Variants in NOX5 observed in about 807,000 individuals in gnomAD.
NOX5 encodes the protein NADPH oxidase, EF-hand calcium binding domain 5.
NOX5 carries 76 observed loss-of-function variants against 85.7 expected under a neutral mutation model. That is an observed-to-expected ratio of 0.89 (90% confidence interval 0.74 to 1.07). NOX5 has a LOEUF of 1.07. Among genes scored for constraint, NOX5 ranks in the 50% least tolerant of loss-of-function variants. The pLI, the probability that NOX5 is intolerant of heterozygous loss-of-function variation, is 0.00. For synonymous variants in NOX5, 405 were observed against 401.4 expected, an observed-to-expected ratio of 1.01 and a Z score of -0.11; for missense variants, 973 against 999.5, an observed-to-expected ratio of 0.97 and a Z score of 0.36.
intron 1 of NOX5, among the ~76,000 whole-genome samples, 164 bp from the exon 2 acceptor site, chr15:69,026,364 C>T (rs1054119780): frequency 3.9e-5 from 6 of 152,162 alleles, no homozygotes; most frequent in South Asian, 2.1e-4. Context: ...GGAGGAGAAA[C>T]GGCTGTGGGA....
In NOX5 at chr15:69,031,446, A is replaced by G; in HGVS notation, c.326-72A>G. 7 of 1,513,848 alleles carry G rather than the reference A, an allele frequency of 4.6e-6. No individual in the cohort carries two copies. The South Asian group carries it at 4.9e-5, about 11-fold the overall frequency. 93.8% of individuals were successfully genotyped at this position (1,513,848 alleles called of 1,614,324 possible). A position where few individuals can be genotyped will look rare whatever the true frequency, so the allele number is the denominator to read the frequency against. ...ATTTGGTCCTTCAGTTGCATGGTCTATACCCCCAAGGAAAGCTGACTGGCA... is the reference window on the plus strand; with the variant it reads ...ATTTGGTCCTTCAGTTGCATGGTCTGTACCCCCAAGGAAAGCTGACTGGCA... On this transcript the variant is annotated intron_variant, in intron 3 of 15. Transcript: ENST00000388866.
chr15:69,054,289 A>T (rs2050783666), intron 14 of NOX5, among the ~76,000 whole-genome samples: 1 of 152,234 alleles, frequency 6.6e-6, no homozygotes, highest in Non-Finnish European at 1.5e-5. Context: ...GTGCTGAAAC[A>T]TCAGTATCCC....
At chr15:69,045,323 A>G (rs556693521) in intron 10 of NOX5, among the ~76,000 whole-genome samples, 5 of 152,362 alleles carry the variant, frequency 3.3e-5, no homozygotes, top group African/African-American at 1.2e-4. Context: ...TAAGATTATT[A>G]TCTCTAATGG....
At chr15:69,055,611 C>A in intron 15 of NOX5, 111 bp downstream of exon 15, 2 of 1,234,648 alleles carry the variant, frequency 1.6e-6, no homozygotes, top group Non-Finnish European at 2.3e-6. Context: ...GAGGTTAAGT[C>A]CAGAGTCCAG....
chr15:69,047,675 C>T (rs907302740), intron 12 of NOX5, 138 bp downstream of exon 12: 2 of 1,328,006 alleles, frequency 1.5e-6, no homozygotes, highest in Non-Finnish European at 2.1e-6. Flanking sequence ...TCCTCTCCTG[C>T]TCTGCCCCCC....
intron 10 of NOX5, chr15:69,045,852 ACT>A (rs2050666971): frequency 6.6e-6 from 1 of 152,166 alleles, no homozygotes; most frequent in Non-Finnish European, 1.5e-5. Context: ...TCACAGCATA[ACT>A]CTCAAACCAC....
At position 69,019,276 on chromosome 15, in the gene NOX5, T is replaced by C. The variant is rs945969171; in HGVS notation, c.50+4491T>C. On this transcript the variant is annotated intron_variant, in intron 1 of 15. Coordinates refer to ENST00000388866, the MANE Select transcript of NOX5 (RefSeq NM_024505.4). ...GTCAGGACTTTGCCCACTGCCCACC[T>C]GCCATGGAAGGGGGCAGGGAGGGAT... Among the ~76,000 whole-genome samples, 8 of 152,338 alleles carry C rather than the reference T, an allele frequency of 5.3e-5. No homozygotes were observed. The South Asian group carries it at 1.7e-3, about 32-fold the overall frequency.
rs779336898 is a variant in NOX5 at position 69,056,643 on chromosome 15, C to T, written c.2245C>T (p.Leu749=). The T allele has an allele frequency of 3.1e-6, 5 of 1,613,844 alleles. No homozygotes were observed. The South Asian group carries it at 5.5e-5, about 18-fold the overall frequency. The change falls in exon 16 of 16, where the codon CTG becomes TTG. Residue 749 remains leucine, a synonymous_variant. Transcript: ENST00000388866. ...TGGCTCCCCAGCTCTGGCCAAGGTG[C>T]TGAAGGGCCATTGTGAGAAGTTCGG... ...FCGSPALAKV[L]KGHCEKFGFR...
intron 1 of NOX5, among the ~76,000 whole-genome samples, chr15:69,018,679 T>G (rs955102393): frequency 3.9e-5 from 6 of 152,268 alleles, no homozygotes. Flanking sequence ...GGTTGTGCCG[T>G]GTAAAATGTT....
Position 69,047,472 on chromosome 15 carries a change from C to A in NOX5, c.1752C>A (p.Ala584=). 6.2e-7 allele frequency: 1 copy of A among 1,614,010 alleles called. No individual in the cohort carries two copies. Among genetic ancestry groups the A allele is most frequent in the Non-Finnish European group, 8.5e-7 (1 of 1,179,994 alleles). Reference sequence around the variant, plus strand: ...GCAGGATCTTTGCCTCTGAGCATGCCGTGCTCATCGGGGCAGGCATCGGCA... The same window carrying A: ...GCAGGATCTTTGCCTCTGAGCATGCAGTGCTCATCGGGGCAGGCATCGGCA... ...PTRRIFASEH[A]VLIGAGIGIT... is the part of the protein sequence containing the mutation. Residue 584 remains alanine, a synonymous_variant, in exon 12 of 16, where the codon GCC becomes GCA. Transcript: ENST00000388866.
At chr15:69,044,910 T>C (rs1425949391) in intron 10 of NOX5, among the ~76,000 whole-genome samples, 1 of 151,906 alleles carries the variant, frequency 6.6e-6, no homozygotes, top group African/African-American at 2.4e-5. Flanking sequence ...GCACAGGGAG[T>C]TGTGGCATCC....
At chr15:69,031,492 CAGA>C in intron 3 of NOX5, 23 bp from the exon 4 acceptor site, 1 of 1,583,760 alleles carries the variant, frequency 6.3e-7, no homozygotes, top group Non-Finnish European at 8.6e-7. Context: ...GGTGGGTAAA[CAGA>C]AGAGGCCCAC....
At chr15:69,033,409 C>A in intron 5 of NOX5, 132 bp downstream of exon 5, 1 of 1,029,762 alleles carries the variant, frequency 9.7e-7, no homozygotes, top group Non-Finnish European at 1.4e-6. Context: ...TCAGCTGGGC[C>A]AACGCTCAGA....
intron 14 of NOX5, among the ~76,000 whole-genome samples, chr15:69,050,181 T>C (rs2050729784): frequency 6.6e-6 from 1 of 152,274 alleles, no homozygotes; most frequent in African/African-American, 2.4e-5. Flanking sequence ...TTCCTTTTCA[T>C]TGCTGAGTAG....
intron 5 of NOX5, among the ~76,000 whole-genome samples, chr15:69,034,187 G>C (rs755874889): frequency 6.6e-6 from 1 of 151,950 alleles, no homozygotes; most frequent in Admixed American, 6.6e-5. Flanking sequence ...ATTAGAGTGG[G>C]TTTTATAGGT....
chr15:69,037,311 G>A, intron 8 of NOX5, 101 bp downstream of exon 8: 1 of 1,194,368 alleles, frequency 8.4e-7, no homozygotes, highest in Middle Eastern at 2.9e-4. Flanking sequence ...CAAGGAAATA[G>A]AGAATAGTGT....
At chr15:69,026,799 C>T (rs2050364276) in intron 2 of NOX5, 148 bp downstream of exon 2, 7 of 1,004,422 alleles carry the variant, frequency 7.0e-6, no homozygotes, top group African/African-American at 1.6e-5. Flanking sequence ...TTATGGCACC[C>T]TCCCATTCCT....
rs760836024 is a variant in NOX5, at chr15:69,031,452, C to G, written c.326-66C>G. The G allele has an allele frequency of 7.1e-4, 1,081 of 1,532,600 alleles. 6 individuals are homozygous for G. The highest frequency in any genetic ancestry group is 2.4e-3 in the Middle Eastern group (13 of 5,522). 94.9% of individuals were successfully genotyped at this position (1,532,600 alleles called of 1,614,324 possible). A position where few individuals can be genotyped will look rare whatever the true frequency, so the allele number is the denominator to read the frequency against. On this transcript the variant is annotated intron_variant, in intron 3 of 15. Coordinates refer to ENST00000388866, the MANE Select transcript of NOX5 (RefSeq NM_024505.4). Reference sequence around the variant, plus strand: ...TCCTTCAGTTGCATGGTCTATACCCCCAAGGAAAGCTGACTGGCAGAAAGC... The same window carrying G: ...TCCTTCAGTTGCATGGTCTATACCCGCAAGGAAAGCTGACTGGCAGAAAGC...
At chr15:69,054,153 A>T (rs2050782087) in intron 14 of NOX5, among the ~76,000 whole-genome samples, 2 of 151,928 alleles carry the variant, frequency 1.3e-5, no homozygotes, top group Non-Finnish European at 2.9e-5. Context: ...CTCTGGCTTG[A>T]ACCGACGCTC....
Sources: allele counts gnomAD v4.1 joint callset (sites outside exome capture counted in the v4.1 genomes callset), GRCh38; gene constraint gnomAD v4.1.1; transcripts MANE v1.5; gene names NCBI Gene and HGNC (gene_info 2026-07-23, HGNC 2026-07-21).